The following GRB10 variants were observed in gnomAD, a reference collection of about 807,000 sequenced individuals.
GRB10 encodes the protein growth factor receptor bound protein 10, also known as growth factor receptor-bound protein 10.
Under a neutral mutation model 80.9 loss-of-function variants are expected in GRB10, and 20 were observed. The observed-to-expected ratio is 0.25, with a 90% CI of 0.17 to 0.36. The LOEUF (loss-of-function observed/expected upper bound fraction) is 0.36. Among genes scored for constraint, GRB10 ranks in the 10% least tolerant of loss-of-function variants. The pLI is 1.00. For missense variants in GRB10, 548 were observed against 747.7 expected, an observed-to-expected ratio of 0.73 and a Z score of 3.12; for synonymous variants, 291 against 291.5, an observed-to-expected ratio of 1.00 and a Z score of 0.02.
chr7:50,738,302 A>C (rs529938690), intron 3 of GRB10, among the ~76,000 whole-genome samples: 1 of 152,352 alleles, frequency 6.6e-6, no homozygotes, highest in South Asian at 2.1e-4. Context: ...CAAACTAATC[A>C]AAAGCAGAGG....
At chr7:50,645,985 C>G (rs1006925558) in intron 7 of GRB10, among the ~76,000 whole-genome samples, 1 of 152,100 alleles carries the variant, frequency 6.6e-6, no homozygotes. Flanking sequence ...ACTTTCTACA[C>G]CCACCCACAT....
intron 17 of GRB10, among the ~76,000 whole-genome samples, chr7:50,601,682 C>T (rs1034527559): frequency 2.0e-5 from 3 of 150,440 alleles, no homozygotes; most frequent in African/African-American, 7.3e-5. Flanking sequence ...AAAAAAAAAA[C>T]AACAAAATCA....
chr7:50,649,960 G>T (rs1245596677), intron 7 of GRB10, among the ~76,000 whole-genome samples: 3 of 152,194 alleles, frequency 2.0e-5, no homozygotes, highest in African/African-American at 7.2e-5. Context: ...GTGGTGACTT[G>T]TCCTGGTTAT....
chr7:50,685,170 C>G (rs1187120177), intron 5 of GRB10, among the ~76,000 whole-genome samples: 1 of 152,196 alleles, frequency 6.6e-6, no homozygotes, highest in African/African-American at 2.4e-5. Flanking sequence ...TTTCTTCATT[C>G]AACAAATATT....
chr7:50,792,158 G>A (rs2078945230), intron 1 of GRB10, among the ~76,000 whole-genome samples: 1 of 152,094 alleles, frequency 6.6e-6, no homozygotes, highest in Non-Finnish European at 1.5e-5. Context: ...TTCTAGGCCT[G>A]GCCTTTTAAA....
intron 7 of GRB10, among the ~76,000 whole-genome samples, chr7:50,647,376 G>T (rs1157949600): frequency 6.6e-6 from 1 of 152,168 alleles, no homozygotes; most frequent in Non-Finnish European, 1.5e-5. Context: ...AATGTTTTCA[G>T]ATTTGAGTCA....
At chr7:50,731,707 G>C (rs1392534520) in intron 4 of GRB10, among the ~76,000 whole-genome samples, 1 of 152,250 alleles carries the variant, frequency 6.6e-6, no homozygotes, top group Non-Finnish European at 1.5e-5. Flanking sequence ...AGAAGAGCTA[G>C]AGAAAGTGAA....
intron 7 of GRB10, among the ~76,000 whole-genome samples, chr7:50,631,581 G>T (rs1488526096): frequency 6.6e-6 from 1 of 152,204 alleles, no homozygotes; most frequent in Non-Finnish European, 1.5e-5. Flanking sequence ...ATGTTTTGGA[G>T]AAGCCAGGTT....
At chr7:50,703,764 TG>T in intron 5 of GRB10, 56 bp downstream of exon 5, 1 of 1,184,138 alleles carries the variant, frequency 8.4e-7, no homozygotes, top group Non-Finnish European at 1.3e-6. Context: ...ATATCAGATC[TG>T]GGCACTGCTG....
chr7:50,650,386 A>T (rs969507693), intron 7 of GRB10, among the ~76,000 whole-genome samples: 1 of 152,158 alleles, frequency 6.6e-6, no homozygotes, highest in Non-Finnish European at 1.5e-5. Flanking sequence ...TGGTCCTGGG[A>T]GGTCTGCAGA....
intron 7 of GRB10, among the ~76,000 whole-genome samples, chr7:50,630,898 C>T (rs772721050): frequency 6.6e-6 from 1 of 152,210 alleles, no homozygotes; most frequent in Non-Finnish European, 1.5e-5. Flanking sequence ...CCCAGACTTT[C>T]TGTTGTCACT....
chr7:50,715,472 T>A (rs1477159374), intron 4 of GRB10, among the ~76,000 whole-genome samples: 5 of 152,156 alleles, frequency 3.3e-5, no homozygotes, highest in Non-Finnish European at 5.9e-5. Flanking sequence ...AATTGGTGGA[T>A]CCCAACCTTG....
chr7:50,736,485 C>G (rs1484445288), intron 3 of GRB10, among the ~76,000 whole-genome samples: 3 of 151,974 alleles, frequency 2.0e-5, no homozygotes, highest in East Asian at 3.9e-4. Flanking sequence ...AAAAGACAGG[C>G]TTTTCAATAA....
chr7:50,604,165 T>C, intron 16 of GRB10, 80 bp from the exon 17 acceptor site: 2 of 1,343,362 alleles, frequency 1.5e-6, no homozygotes, highest in Non-Finnish European at 2.1e-6. Flanking sequence ...CCAACTCTGA[T>C]CAACTCAGAG....
In GRB10 at chr7:50,746,794, G is replaced by A. The variant is rs1172846910; in HGVS notation, c.-47+9093C>T. ...GCACACCACCCAGTCTCTGCCCCCC[G>A]GGCCTCCAGTCCCCAGGGCTCCCCT... On this transcript the variant is annotated intron_variant, in intron 3 of 18. Coordinates refer to ENST00000401949, the MANE Select transcript of GRB10 (RefSeq NM_001350814.2). Among the ~76,000 whole-genome samples, 3 of 151,776 alleles carry A rather than the reference G, an allele frequency of 2.0e-5. No homozygotes were observed. The East Asian group carries it at 5.8e-4, about 29-fold the overall frequency.
intron 8 of GRB10, among the ~76,000 whole-genome samples, chr7:50,619,892 A>G (rs1469836316): frequency 6.6e-6 from 1 of 152,170 alleles, no homozygotes; most frequent in Non-Finnish European, 1.5e-5. Flanking sequence ...GGAAGAAAAC[A>G]CACTCCATCC....
At chr7:50,623,877 C>T (rs186520262) in intron 8 of GRB10, among the ~76,000 whole-genome samples, 64 of 152,030 alleles carry the variant, frequency 4.2e-4, no homozygotes, top group African/African-American at 1.5e-3. Flanking sequence ...TTGAACAATC[C>T]AAAATCCCAA....
intron 4 of GRB10, 77 bp from the exon 5 acceptor site, chr7:50,703,985 C>A: frequency 2.1e-6 from 2 of 949,812 alleles, no homozygotes; most frequent in African/African-American, 1.6e-5. Flanking sequence ...CCAGCTTCCC[C>A]AGCATTTCCT....
chr7:50,658,057 A>G (rs2058827895), intron 7 of GRB10, among the ~76,000 whole-genome samples: 2 of 152,356 alleles, frequency 1.3e-5, no homozygotes, highest in Admixed American at 1.3e-4. Context: ...GGTCTCAACC[A>G]AGACCCAGAG....
Sources: gnomAD v4.1 joint callset for allele counts (sites outside exome capture counted in the v4.1 genomes callset) on GRCh38, gnomAD v4.1.1 for gene constraint, MANE v1.5 for transcripts, NCBI Gene and HGNC (gene_info 2026-07-23, HGNC 2026-07-21) for gene names.